The following CLOCK variants were observed in gnomAD, a reference collection of about 807,000 sequenced individuals.
CLOCK encodes clock circadian regulator.
Under a neutral mutation model 118.4 loss-of-function variants are expected in CLOCK, and 43 were observed. That is an observed-to-expected ratio of 0.36 (90% CI 0.28 to 0.47). The LOEUF (loss-of-function observed/expected upper bound fraction) is 0.47, where lower values mean the gene tolerates loss of function less well. Among genes scored for constraint, CLOCK ranks in the 20% least tolerant of loss-of-function variants. CLOCK has a pLI of 1.00. For missense variants in CLOCK, 846 were observed against 999.9 expected (o/e 0.85, Z 2.08); for synonymous variants, 326 against 339.2 (o/e 0.96, Z 0.43).
At chr4:55,531,565 C>T (rs972085291) in intron 1 of CLOCK, among the ~76,000 whole-genome samples, 5 of 151,702 alleles carry the variant, frequency 3.3e-5, no homozygotes, top group African/African-American at 9.7e-5. Flanking sequence ...ATTAGCTGGG[C>T]GTGGTGGTAT....
At chr4:55,498,603 C>CTTCTTATTATTA (rs147163251) in intron 2 of CLOCK, among the ~76,000 whole-genome samples, 1 of 148,634 alleles carries the variant, frequency 6.7e-6, no homozygotes, top group Non-Finnish European at 1.5e-5. Context: ...TATCTAGTTC[C>CTTCTTATTATTA]TTATTATTAT....
At chr4:55,481,639 A>G (rs1487941915) in intron 4 of CLOCK, among the ~76,000 whole-genome samples, 1 of 152,176 alleles carries the variant, frequency 6.6e-6, no homozygotes, top group Admixed American at 6.5e-5. Context: ...ATAAAAAGGG[A>G]GAAGAGCTGT....
chr4:55,521,956 C>A (rs1729871815), intron 1 of CLOCK, among the ~76,000 whole-genome samples: 1 of 152,072 alleles, frequency 6.6e-6, no homozygotes, highest in South Asian at 2.1e-4. Context: ...ATGGGTCTTT[C>A]AAAACAGAGA....
chr4:55,538,180 A>G (rs1731029368), intron 1 of CLOCK, among the ~76,000 whole-genome samples: 1 of 152,242 alleles, frequency 6.6e-6, no homozygotes, highest in East Asian at 1.9e-4. Context: ...ATTATAAGCA[A>G]CTTTTTGCAA....
chr4:55,444,574 T>C lies in CLOCK; in HGVS notation c.1692+59A>G, dbSNP rs540532864. On this transcript the variant is annotated intron_variant, in intron 19 of 22. Transcript: ENST00000513440. ...CACTTTTAATTAAGAAAAGTTAATT[T>C]TCCTAGAAATCCAAAATGTGAATGG... is the stretch of plus-strand genomic sequence containing the variant. 260 of 1,608,310 alleles carry C rather than the reference T, an allele frequency of 1.6e-4. No homozygotes were observed. In the African/African-American group the frequency reaches 3.2e-3, roughly 20 times the overall value.
At chr4:55,491,234 TAAAAAAAAAAA>T (rs34441416) in intron 2 of CLOCK, among the ~76,000 whole-genome samples, 1 of 44,342 alleles carries the variant, frequency 2.3e-5, no homozygotes, top group Non-Finnish European at 4.1e-5. Context: ...GCAGGTGTGC[TAAAAAAAAAAA>T]AAAAAAAAAA....
At chr4:55,466,659 A>G (rs1725757580) in intron 8 of CLOCK, among the ~76,000 whole-genome samples, 1 of 152,192 alleles carries the variant, frequency 6.6e-6, no homozygotes, top group Admixed American at 6.5e-5. Flanking sequence ...GCCTGTATCA[A>G]GAGTAGTATG....
At chr4:55,440,468 C>T (rs1176142080) in intron 21 of CLOCK, among the ~76,000 whole-genome samples, 6 of 152,152 alleles carry the variant, frequency 3.9e-5, no homozygotes, top group Admixed American at 3.9e-4. Flanking sequence ...ATGACACTAA[C>T]ATAGATGTGG....
chr4:55,511,246 A>T (rs1366659703), intron 1 of CLOCK, among the ~76,000 whole-genome samples: 1 of 151,950 alleles, frequency 6.6e-6, no homozygotes, highest in Non-Finnish European at 1.5e-5. Context: ...TTCAATCCTC[A>T]CAACATCACT....
chr4:55,490,283 G>C (rs1212246562), intron 2 of CLOCK, among the ~76,000 whole-genome samples: 2 of 151,830 alleles, frequency 1.3e-5, no homozygotes, highest in Non-Finnish European at 1.5e-5. Flanking sequence ...ACATTATATA[G>C]TAATAAGAGT....
At chr4:55,473,648 G>A (rs896534375) in intron 7 of CLOCK, among the ~76,000 whole-genome samples, 1 of 152,072 alleles carries the variant, frequency 6.6e-6, no homozygotes, top group Non-Finnish European at 1.5e-5. Context: ...TTCAGTTACT[G>A]GGTTTTGTTT....
intron 7 of CLOCK, among the ~76,000 whole-genome samples, chr4:55,473,203 A>T (rs552446958): frequency 5.3e-5 from 8 of 152,166 alleles, no homozygotes; most frequent in African/African-American, 1.7e-4. Flanking sequence ...AGCCTGGGCG[A>T]CTAAGCAAGA....
chr4:55,500,340 T>C (rs56196624), intron 2 of CLOCK, among the ~76,000 whole-genome samples: 37,416 of 151,968 alleles, frequency 0.25, 4,935 homozygotes, highest in South Asian at 0.37. Context: ...TTTTGTTTTG[T>C]TTGGGGGGAG....
At chr4:55,529,620 A>G (rs557558751) in intron 1 of CLOCK, among the ~76,000 whole-genome samples, 28 of 152,378 alleles carry the variant, frequency 1.8e-4, no homozygotes, top group Non-Finnish European at 3.8e-4. Context: ...ATAATAATAC[A>G]AGAGTCCACT....
intron 21 of CLOCK, among the ~76,000 whole-genome samples, chr4:55,439,148 G>C (rs1723142268): frequency 6.6e-6 from 1 of 152,070 alleles, no homozygotes; most frequent in Admixed American, 6.5e-5. Context: ...GAATGTCTAA[G>C]AGCTCCTTCA....
chr4:55,490,272 G>A (rs1466488169), intron 2 of CLOCK, among the ~76,000 whole-genome samples: 1 of 151,668 alleles, frequency 6.6e-6, no homozygotes, highest in Non-Finnish European at 1.5e-5. Context: ...GACAAAGAAG[G>A]ACATTATATA....
intron 21 of CLOCK, 164 bp downstream of exon 21, chr4:55,442,268 A>T: frequency 1.5e-6 from 1 of 676,566 alleles, no homozygotes; most frequent in Non-Finnish European, 2.5e-6. Context: ...TGAAGTCTTT[A>T]AACAATGAAT....
chr4:55,526,151 T>G (rs938432961), intron 1 of CLOCK, among the ~76,000 whole-genome samples: 6 of 152,208 alleles, frequency 3.9e-5, no homozygotes, highest in Non-Finnish European at 7.3e-5. Flanking sequence ...ATAAGAGATA[T>G]TCAACCTGTA....
rs150276772 is a variant in CLOCK, at chr4:55,493,896, C to G, written c.-135-4431G>C. Among the ~76,000 whole-genome samples the G allele has an allele frequency of 9.6e-3, 1,463 of 152,272 alleles. 61 individuals are homozygous for G. The highest frequency in any genetic ancestry group is 0.078 in the Admixed American group (1,199 of 15,304). ...CAACTGACACTATAACTCTAGCCTGCTGAATGTCAAGATGTAAGATATTCA... is the reference window on the plus strand; with the variant it reads ...CAACTGACACTATAACTCTAGCCTGGTGAATGTCAAGATGTAAGATATTCA... On this transcript the variant is annotated intron_variant, in intron 2 of 22. Coordinates refer to ENST00000513440, the MANE Select transcript of CLOCK (RefSeq NM_004898.4).
Sources: allele counts gnomAD v4.1 joint callset (sites outside exome capture counted in the v4.1 genomes callset), GRCh38; gene constraint gnomAD v4.1.1; transcripts MANE v1.5; gene names NCBI Gene and HGNC (gene_info 2026-07-23, HGNC 2026-07-21).